The following SH3PXD2A variants were observed in gnomAD, a reference collection of about 807,000 sequenced individuals.
SH3PXD2A encodes SH3 and PX domain-containing protein 2A.
In SH3PXD2A, 32 loss-of-function variants were observed where a neutral mutation model predicts 115.2. The ratio of observed to expected loss-of-function variants is 0.28; its 90% CI spans 0.21 to 0.37. SH3PXD2A has a LOEUF of 0.37. Among genes scored for constraint, SH3PXD2A ranks in the 10% least tolerant of loss-of-function variants. The pLI, the probability that SH3PXD2A is intolerant of heterozygous loss-of-function variation, is 1.00. For synonymous variants in SH3PXD2A, 610 were observed against 629.1 expected (o/e 0.97, Z 0.45); for missense variants, 1,328 against 1,498.7 (o/e 0.89, Z 1.88).
rs118008869 is a variant in SH3PXD2A, at chr10:103,819,371, T to G, written c.73-18009A>C. On this transcript the variant is annotated intron_variant, in intron 1 of 14. Transcript: ENST00000369774. ...AGGCTGGGTGAAGAGGTGAGGGTTG[T>G]GGTGGTGGAAGGGTACCCTAGGCAA... Among the ~76,000 whole-genome samples, 155 of 151,976 alleles carry G rather than the reference T, an allele frequency of 1.0e-3. 4 individuals carry two copies. In the East Asian group the frequency reaches 0.027, roughly 27 times the overall value.
chr10:103,664,662 TTCTC>T (rs201948159), intron 7 of SH3PXD2A, among the ~76,000 whole-genome samples: 2 of 121,844 alleles, frequency 1.6e-5, no homozygotes, highest in African/African-American at 6.6e-5. Flanking sequence ...ATGGGTTTCT[TTCTC>T]TCTCTTTTTT....
intron 8 of SH3PXD2A, among the ~76,000 whole-genome samples, chr10:103,655,666 G>A (rs1373060520): frequency 6.6e-6 from 1 of 151,482 alleles, no homozygotes; most frequent in Non-Finnish European, 1.5e-5. Context: ...CCAGTTACTC[G>A]GGAGGCTGAC....
chr10:103,618,454 G>A (rs568718051), intron 10 of SH3PXD2A, among the ~76,000 whole-genome samples: 15 of 152,214 alleles, frequency 9.9e-5, no homozygotes, highest in Non-Finnish European at 1.3e-4. Context: ...GAGACACTCC[G>A]TAGAGGGCTG....
At chr10:103,814,519 C>T (rs955830506) in intron 1 of SH3PXD2A, among the ~76,000 whole-genome samples, 2 of 152,158 alleles carry the variant, frequency 1.3e-5, no homozygotes, top group South Asian at 2.1e-4. Flanking sequence ...ATTTTCTAAT[C>T]ATCAGAGTTG....
At chr10:103,852,416 GC>G (rs1250680391) in intron 1 of SH3PXD2A, among the ~76,000 whole-genome samples, 1 of 152,252 alleles carries the variant, frequency 6.6e-6, no homozygotes, top group African/African-American at 2.4e-5. Flanking sequence ...TCCTGCGTGG[GC>G]CCCAGGCCTC....
At chr10:103,816,232 G>A (rs1462219915) in intron 1 of SH3PXD2A, among the ~76,000 whole-genome samples, 2 of 152,196 alleles carry the variant, frequency 1.3e-5, no homozygotes, top group Non-Finnish European at 2.9e-5. Flanking sequence ...ATTTCATTAT[G>A]TATTGTGTAT....
At chr10:103,717,592 G>A (rs1358388699) in intron 5 of SH3PXD2A, among the ~76,000 whole-genome samples, 1 of 152,190 alleles carries the variant, frequency 6.6e-6, no homozygotes, top group Admixed American at 6.5e-5. Context: ...GGGCCCTACG[G>A]CCAGATCTTT....
At chr10:103,774,022 A>G (rs1482090911) in intron 2 of SH3PXD2A, among the ~76,000 whole-genome samples, 3 of 152,232 alleles carry the variant, frequency 2.0e-5, no homozygotes, top group African/African-American at 7.2e-5. Flanking sequence ...GGCATGAACC[A>G]TCATGCCTAG....
chr10:103,664,012 C>T (rs1411761734), intron 7 of SH3PXD2A, among the ~76,000 whole-genome samples: 2 of 152,364 alleles, frequency 1.3e-5, no homozygotes, highest in East Asian at 3.9e-4. Flanking sequence ...GGCATGCCAG[C>T]TTCTGTGCCT....
At chr10:103,711,202 A>C (rs572447586) in intron 5 of SH3PXD2A, among the ~76,000 whole-genome samples, 1 of 152,326 alleles carries the variant, frequency 6.6e-6, no homozygotes, top group African/African-American at 2.4e-5. Context: ...TAAAAAGCCA[A>C]GCTGATAATC....
intron 1 of SH3PXD2A, among the ~76,000 whole-genome samples, chr10:103,848,948 CTTTTTTTTTTTTTT>C (rs146019283): frequency 4.3e-5 from 3 of 69,660 alleles, no homozygotes; most frequent in South Asian, 8.1e-4. Context: ...CCCATATATT[CTTTTTTTTTTTTTT>C]TTTTTTTTTT....
intron 1 of SH3PXD2A, among the ~76,000 whole-genome samples, 180 bp from the exon 2 acceptor site, chr10:103,801,542 TAC>T (rs148335179): frequency 2.1e-5 from 3 of 142,856 alleles, no homozygotes; most frequent in Admixed American, 6.9e-5. Context: ...TATGTCTAAA[TAC>T]ACACACACAC....
At chr10:103,706,006 A>C (rs868426991) in intron 5 of SH3PXD2A, among the ~76,000 whole-genome samples, 39 of 136,936 alleles carry the variant, frequency 2.8e-4, no homozygotes, top group African/African-American at 1.2e-3. Flanking sequence ...CTCAAAAAGA[A>C]AAAAAAAAAA....
At chr10:103,779,336 G>A (rs542795332) in intron 2 of SH3PXD2A, among the ~76,000 whole-genome samples, 6 of 152,294 alleles carry the variant, frequency 3.9e-5, no homozygotes, top group Non-Finnish European at 5.9e-5. Flanking sequence ...GGCGCCGTGC[G>A]GGGCCGGCTT....
chr10:103,607,912 T>C lies in SH3PXD2A; in HGVS notation c.1309-1995A>G, dbSNP rs375535104. 2.0e-5 allele frequency among the ~76,000 whole-genome samples: 3 copies of C among 151,378 alleles called. No individual in the cohort carries two copies. The South Asian group carries it at 6.3e-4, about 32-fold the overall frequency. On this transcript the variant is annotated intron_variant, in intron 13 of 14. Transcript: ENST00000369774. ...CCACTCAGGGTTAAATGGATTGAGG[T>C]CGGTGCAAGATGTGCTTTGTTAAAC...
At chr10:103,770,510 A>T (rs1053927828) in intron 2 of SH3PXD2A, among the ~76,000 whole-genome samples, 1 of 152,250 alleles carries the variant, frequency 6.6e-6, no homozygotes, top group Non-Finnish European at 1.5e-5. Context: ...ACACGTCAGC[A>T]TTCTCAATCA....
intron 6 of SH3PXD2A, among the ~76,000 whole-genome samples, chr10:103,673,861 A>C (rs1228148871): frequency 2.0e-5 from 3 of 152,196 alleles, no homozygotes; most frequent in Non-Finnish European, 2.9e-5. Flanking sequence ...GGGCAGGGTC[A>C]CTAGCCTTGT....
chr10:103,753,680 C>T (rs1325399640), intron 3 of SH3PXD2A, among the ~76,000 whole-genome samples: 1 of 152,104 alleles, frequency 6.6e-6, no homozygotes, highest in Non-Finnish European at 1.5e-5. Context: ...ACAACATAAG[C>T]ACATGAATCC....
At chr10:103,748,134 G>A (rs902558593) in intron 3 of SH3PXD2A, among the ~76,000 whole-genome samples, 4 of 152,206 alleles carry the variant, frequency 2.6e-5, no homozygotes, top group African/African-American at 9.7e-5. Flanking sequence ...CCTGTGCCGT[G>A]TACTTTATAT....
Sources: allele counts gnomAD v4.1 joint callset (sites outside exome capture counted in the v4.1 genomes callset), GRCh38; gene constraint gnomAD v4.1.1; transcripts MANE v1.5; gene names NCBI Gene and HGNC (gene_info 2026-07-23, HGNC 2026-07-21).